The following C2CD2 variants were observed in gnomAD, a reference collection of about 807,000 sequenced individuals.
C2CD2 encodes the protein C2 domain-containing protein 2.
In C2CD2, 43 loss-of-function variants were observed where a neutral mutation model predicts 74.3. The ratio of observed to expected loss-of-function variants is 0.58; its 90% CI spans 0.45 to 0.75. The LOEUF (loss-of-function observed/expected upper bound fraction) is 0.75, where lower values mean the gene tolerates loss of function less well. Ranked by LOEUF, C2CD2 falls within the 30% of genes least tolerant of loss-of-function variation. The pLI, the probability that C2CD2 is intolerant of heterozygous loss-of-function variation, is 0.00. For synonymous variants in C2CD2, 422 were observed against 390.7 expected (o/e 1.08, Z -0.94); for missense variants, 801 against 916.3 (o/e 0.87, Z 1.63).
Position 41,905,710 on chromosome 21 carries a change from C to A in C2CD2, c.1432+14G>T. ...GTGCTAAGAGGGAGAGCGACGTGGG[C>A]GTGTCTCAGTTACCTGTGTCTGAAG... On this transcript the variant is annotated intron_variant, in intron 11 of 13. Transcript: ENST00000380486. The A allele has an allele frequency of 7.2e-7, 1 of 1,390,212 alleles. No homozygotes were observed. Among genetic ancestry groups the A allele is most frequent in the Non-Finnish European group, 1.0e-6 (1 of 981,044 alleles). The allele number at this position is 1,390,212 out of a possible 1,614,324, so 86.1% of individuals were successfully genotyped here. A position where few individuals can be genotyped will look rare whatever the true frequency, so the allele number is the denominator to read the frequency against.
chr21:41,931,885 AGC>A (rs1227242144), intron 2 of C2CD2, among the ~76,000 whole-genome samples: 1 of 72,062 alleles, frequency 1.4e-5, no homozygotes, highest in Non-Finnish European at 2.9e-5. Flanking sequence ...CCCCACCTCC[AGC>A]ATCCCACCAC....
At chr21:41,896,530 G>A (rs1254082474) in intron 13 of C2CD2, among the ~76,000 whole-genome samples, 2 of 151,944 alleles carry the variant, frequency 1.3e-5, no homozygotes, top group African/African-American at 4.8e-5. Context: ...GTATATCCAC[G>A]ACCAACTTCA....
rs2065172304 is a variant in C2CD2, at chr21:41,923,012, TGGAGATGGA to T, written c.379-936_379-928del. Among the ~76,000 whole-genome samples the T allele has an allele frequency of 7.6e-6, 1 of 132,096 alleles. No homozygotes were observed. Among genetic ancestry groups the T allele is most frequent in the Non-Finnish European group, 1.6e-5 (1 of 62,092 alleles). The allele number at this position is 132,096 out of a possible 152,430, so 86.7% of individuals were successfully genotyped here. A position where few individuals can be genotyped will look rare whatever the true frequency, so the allele number is the denominator to read the frequency against. On this transcript the variant is annotated intron_variant, in intron 2 of 13. Coordinates refer to ENST00000380486, the MANE Select transcript of C2CD2 (RefSeq NM_015500.2). This position sits in a 1 kb window ranked among gnomAD's most constrained non-coding sequence, Gnocchi z 5.8. ...ACAGTCTTTTTCCTTTTTTTTTTTT[TGGAGATGGA>T]GTTTCACTCTGTCGCCCAGGTTGGA...
At chr21:41,940,203 T>A (rs2065343408) in intron 2 of C2CD2, among the ~76,000 whole-genome samples, 6 of 152,028 alleles carry the variant, frequency 3.9e-5, no homozygotes. Flanking sequence ...AAAGAGAAAA[T>A]AATTTCATTA....
chr21:41,901,318 A>G (rs2064893596), intron 12 of C2CD2: 1 of 442,704 alleles, frequency 2.3e-6, no homozygotes, highest in Non-Finnish European at 4.2e-6. Context: ...GTTCTGTACC[A>G]AAGGGGAGTC....
chr21:41,915,883 G>A (rs954227332), intron 5 of C2CD2, among the ~76,000 whole-genome samples: 2 of 152,108 alleles, frequency 1.3e-5, no homozygotes, highest in Admixed American at 1.3e-4. Flanking sequence ...AAGCATTCAG[G>A]GACCCAGACG....
At chr21:41,907,886 G>T in intron 8 of C2CD2, 102 bp from the exon 9 acceptor site, 1 of 1,229,792 alleles carries the variant, frequency 8.1e-7, no homozygotes, top group Non-Finnish European at 1.2e-6. Flanking sequence ...CGCTCCTCCC[G>T]TGCATCCAGC....
chr21:41,888,952 CT>C lies in C2CD2; in HGVS notation c.*171del. ...CTTTTTTGTCCTCTCTGGGAGAAGC[CT>C]CCTGGCTGGAGACTCAGATTTTGTT... On this transcript the variant is annotated 3_prime_UTR_variant, in exon 14 of 14. Transcript: ENST00000380486. 2 of 623,002 alleles carry C rather than the reference CT, an allele frequency of 3.2e-6. No individual in the cohort carries two copies. Among genetic ancestry groups the C allele is most frequent in the East Asian group, 2.7e-5 (1 of 36,368 alleles). 38.6% of individuals were successfully genotyped at this position (623,002 alleles called of 1,614,324 possible).
Position 41,900,338 on chromosome 21 carries a change from G to A in C2CD2, c.1561-976C>T, listed in dbSNP as rs575075611. Among the ~76,000 whole-genome samples, 329 of 152,260 alleles carry A rather than the reference G, an allele frequency of 2.2e-3. 1 individual carries two copies. The highest frequency in any genetic ancestry group is 7.3e-3 in the African/African-American group (305 of 41,552). Reference sequence around the variant, plus strand: ...GAGCACCAATAAAAATAATCACTGCGGTGAATTCAGAACATTAAATACTAA... The same window carrying A: ...GAGCACCAATAAAAATAATCACTGCAGTGAATTCAGAACATTAAATACTAA... On this transcript the variant is annotated intron_variant, in intron 12 of 13. Coordinates refer to ENST00000380486, the MANE Select transcript of C2CD2 (RefSeq NM_015500.2).
In C2CD2 at chr21:41,941,600, A is replaced by G. The variant is rs116765776; in HGVS notation, c.378+547T>C. 5.7e-3 allele frequency among the ~76,000 whole-genome samples: 865 copies of G among 152,366 alleles called. 9 individuals are homozygous for G. The highest frequency in any genetic ancestry group is 0.02 in the African/African-American group (828 of 41,588). ...CATGATGTGCATATTTGAGCAACAG[A>G]TATCAGATGTCCTGAGATACAATTC... On this transcript the variant is annotated intron_variant, in intron 2 of 13. Transcript: ENST00000380486.
chr21:41,935,152 A>C (rs1192753580), intron 2 of C2CD2, among the ~76,000 whole-genome samples: 1 of 152,164 alleles, frequency 6.6e-6, no homozygotes, highest in Non-Finnish European at 1.5e-5. Context: ...GGCCTTCCAA[A>C]GTGCTGGGAT....
At chr21:41,953,325 GC>G (rs202095243) in intron 1 of C2CD2, 44 bp downstream of exon 1, 28,666 of 1,312,260 alleles carry the variant, frequency 0.022, 379 homozygotes, top group Middle Eastern at 0.038. Flanking sequence ...CGGACCGCCC[GC>G]CCCGGCATCT....
chr21:41,897,126 G>A (rs1210897696), intron 13 of C2CD2, among the ~76,000 whole-genome samples: 7 of 152,236 alleles, frequency 4.6e-5, no homozygotes, highest in Admixed American at 1.3e-4. Context: ...CGTGAAGGGA[G>A]AGGAGCAGGG....
At chr21:41,908,933 G>T in intron 8 of C2CD2, 1 of 155,514 alleles carries the variant, frequency 6.4e-6, no homozygotes, top group South Asian at 2.0e-4. Flanking sequence ...GTAAACCTCT[G>T]TAGTTTATTT....
intron 2 of C2CD2, 42 bp from the exon 3 acceptor site, chr21:41,922,127 A>C: frequency 8.3e-7 from 1 of 1,207,886 alleles, no homozygotes; most frequent in Non-Finnish European, 1.2e-6. Context: ...TATCCAAAAC[A>C]AAGGACAGCG....
intron 1 of C2CD2, among the ~76,000 whole-genome samples, chr21:41,949,314 C>A (rs1159290801): frequency 1.3e-5 from 2 of 152,168 alleles, no homozygotes; most frequent in African/African-American, 2.4e-5. Flanking sequence ...AAAGGAAAAG[C>A]TCAACTGCTG....
Position 41,929,708 on chromosome 21 carries a change from C to T in C2CD2, c.379-7623G>A, listed in dbSNP as rs767884106. Among the ~76,000 whole-genome samples, 1 of 152,220 alleles carries T rather than the reference C, an allele frequency of 6.6e-6. No individual in the cohort carries two copies. Among genetic ancestry groups the T allele is most frequent in the Admixed American group, 6.5e-5 (1 of 15,280 alleles). ...ACTCCTGGCTCCACACCATGCCAGG[C>T]GACATCACTCAAGTCTCCAAAGATC... On this transcript the variant is annotated intron_variant, in intron 2 of 13. Transcript: ENST00000380486. The surrounding 1 kb of genome is among the most constrained non-coding windows in gnomAD (Gnocchi z 4.6).
chr21:41,921,535 A>C (rs866810749), intron 3 of C2CD2, among the ~76,000 whole-genome samples: 9 of 152,256 alleles, frequency 5.9e-5, no homozygotes, highest in African/African-American at 2.2e-4. Flanking sequence ...TTATAAAAAT[A>C]ATAAGGGGGT....
intron 2 of C2CD2, among the ~76,000 whole-genome samples, chr21:41,925,752 C>T (rs182760433): frequency 2.3e-4 from 35 of 152,318 alleles, no homozygotes; most frequent in South Asian, 4.1e-4. Flanking sequence ...AGGGGTTCCT[C>T]GCATCACAGC....
Sources: gnomAD v4.1 joint callset for allele counts (sites outside exome capture counted in the v4.1 genomes callset) on GRCh38, gnomAD v4.1.1 for gene constraint, Gnocchi (gnomAD v3.1) non-coding constraint, MANE v1.5 for transcripts, NCBI Gene and HGNC (gene_info 2026-07-23, HGNC 2026-07-21) for gene names.